The following FGGY variants were observed in gnomAD, a reference collection of about 807,000 sequenced individuals.
The protein encoded by FGGY is FGGY carbohydrate kinase domain containing, also known as FGGY carbohydrate kinase domain-containing protein.
A neutral mutation model predicts 71.3 loss-of-function variants in FGGY; 72 were observed. The observed-to-expected ratio is 1.01, with a 90% CI of 0.84 to 1.23. The LOEUF is 1.23. FGGY is among the 50% of genes most tolerant of loss of function. The pLI, the probability that FGGY is intolerant of heterozygous loss-of-function variation, is 0.00. For missense variants in FGGY, 668 were observed against 682.3 expected, an observed-to-expected ratio of 0.98 and a Z score of 0.23; for synonymous variants, 251 against 250.3, an observed-to-expected ratio of 1.00 and a Z score of -0.02.
At chr1:59,730,279 C>G (rs59608500) in intron 14 of FGGY, among the ~76,000 whole-genome samples, 19,297 of 149,228 alleles carry the variant, frequency 0.13, 1,320 homozygotes, top group African/African-American at 0.17. Context: ...ATGGATCCAA[C>G]AAAAATCACT....
At chr1:59,541,465 G>A (rs1039062295) in intron 7 of FGGY, among the ~76,000 whole-genome samples, 1 of 152,134 alleles carries the variant, frequency 6.6e-6, no homozygotes, top group African/African-American at 2.4e-5. Flanking sequence ...GATGGTAGCT[G>A]CTCCATCTTG....
chr1:59,562,105 A>G (rs915638129), intron 8 of FGGY, among the ~76,000 whole-genome samples: 1 of 152,212 alleles, frequency 6.6e-6, no homozygotes, highest in African/African-American at 2.4e-5. Context: ...TACAAAGTTA[A>G]CATATTCCTA....
At chr1:59,637,563 T>G (rs1445897408) in intron 10 of FGGY, among the ~76,000 whole-genome samples, 2 of 151,848 alleles carry the variant, frequency 1.3e-5, no homozygotes, top group South Asian at 4.1e-4. Flanking sequence ...GATTGCACCA[T>G]TGCACTCCCA....
chr1:59,562,069 AC>A (rs1179742531), intron 8 of FGGY, among the ~76,000 whole-genome samples: 1 of 152,200 alleles, frequency 6.6e-6, no homozygotes, highest in Non-Finnish European at 1.5e-5. Context: ...AAATGATGCA[AC>A]CATTTTGGAA....
At chr1:59,379,323 T>A (rs2059096747) in intron 5 of FGGY, among the ~76,000 whole-genome samples, 2 of 152,190 alleles carry the variant, frequency 1.3e-5, no homozygotes, top group Non-Finnish European at 2.9e-5. Flanking sequence ...ATACCTAGGC[T>A]GTATGGTATA....
intron 14 of FGGY, among the ~76,000 whole-genome samples, chr1:59,725,643 T>C (rs1438529762): frequency 6.6e-6 from 1 of 152,100 alleles, no homozygotes; most frequent in Non-Finnish European, 1.5e-5. Context: ...TTTTGTTTTT[T>C]TTGCAGCATG....
chr1:59,616,135 G>C (rs564508595), intron 9 of FGGY, among the ~76,000 whole-genome samples: 1 of 152,060 alleles, frequency 6.6e-6, no homozygotes, highest in South Asian at 2.1e-4. Context: ...CCCATTACTG[G>C]GTATATACCC....
At chr1:59,335,252 TTC>T (rs1200304155) in intron 2 of FGGY, among the ~76,000 whole-genome samples, 1 of 152,184 alleles carries the variant, frequency 6.6e-6, no homozygotes, top group African/African-American at 2.4e-5. Flanking sequence ...CAGAGGCGCT[TTC>T]TGTCTTTATA....
At chr1:59,435,424 G>T (rs2068220924) in intron 5 of FGGY, among the ~76,000 whole-genome samples, 1 of 152,130 alleles carries the variant, frequency 6.6e-6, no homozygotes, top group Non-Finnish European at 1.5e-5. Flanking sequence ...GCACAGACCA[G>T]TCCTGAGGTT....
At chr1:59,548,538 A>G (rs2095560566) in intron 7 of FGGY, among the ~76,000 whole-genome samples, 1 of 152,234 alleles carries the variant, frequency 6.6e-6, no homozygotes, top group African/African-American at 2.4e-5. Flanking sequence ...ATTCAAGTCT[A>G]ACTCTGAAGA....
chr1:59,339,908 T>C (rs765819706), intron 2 of FGGY, 50 bp from the exon 3 acceptor site: 1 of 1,143,696 alleles, frequency 8.7e-7, no homozygotes, highest in South Asian at 1.4e-5. Context: ...GTTTTCAATC[T>C]TTAAAGACCC....
chr1:59,642,962 G>C (rs527616024), intron 11 of FGGY, among the ~76,000 whole-genome samples: 1 of 150,640 alleles, frequency 6.6e-6, no homozygotes, highest in African/African-American at 2.4e-5. Context: ...GAGAACCTGG[G>C]GGGTGGAGCT....
chr1:59,607,471 G>A (rs1241822668), intron 8 of FGGY, among the ~76,000 whole-genome samples: 1 of 152,200 alleles, frequency 6.6e-6, no homozygotes, highest in Non-Finnish European at 1.5e-5. Context: ...GTGAGGAGCT[G>A]CAAAGTCTCA....
intron 5 of FGGY, among the ~76,000 whole-genome samples, chr1:59,401,153 T>A (rs1260114067): frequency 6.6e-6 from 1 of 152,236 alleles, no homozygotes; most frequent in Non-Finnish European, 1.5e-5. Context: ...AATCTTATCC[T>A]GTTAAATTAT....
At chr1:59,337,202 G>A (rs915401459) in intron 2 of FGGY, among the ~76,000 whole-genome samples, 3 of 151,988 alleles carry the variant, frequency 2.0e-5, no homozygotes, top group East Asian at 1.9e-4. Context: ...CAGGGAAGCC[G>A]ACAATGCAGT....
intron 1 of FGGY, among the ~76,000 whole-genome samples, chr1:59,306,296 G>A (rs932367211): frequency 2.6e-5 from 4 of 152,130 alleles, no homozygotes; most frequent in Non-Finnish European, 5.9e-5. Context: ...CAATAATAAA[G>A]GGGAACTTTT....
chr1:59,651,711 G>C (rs2097163305), intron 11 of FGGY, among the ~76,000 whole-genome samples: 1 of 150,776 alleles, frequency 6.6e-6, no homozygotes, highest in Non-Finnish European at 1.5e-5. Flanking sequence ...TATCCAATTT[G>C]CCAGTCTGTG....
In FGGY at chr1:59,720,242, T is replaced by C. The variant is rs1428608854; in HGVS notation, c.1513-37689T>C. 2.0e-5 allele frequency among the ~76,000 whole-genome samples: 3 copies of C among 152,340 alleles called. No homozygotes were observed. In the East Asian group the frequency reaches 5.8e-4, roughly 29 times the overall value. ...CACCCAATGCATGCTTTGCAAGTTA[T>C]TTTGTTTTTTAAGCAAGTCCCAGTC... On this transcript the variant is annotated intron_variant, in intron 14 of 15. Coordinates refer to ENST00000303721, the MANE Select transcript of FGGY (RefSeq NM_018291.5).
chr1:59,534,570 G>A (rs567004083), intron 7 of FGGY, among the ~76,000 whole-genome samples: 1 of 152,260 alleles, frequency 6.6e-6, no homozygotes, highest in South Asian at 2.1e-4. Flanking sequence ...AATGTTAAGG[G>A]CAGCCAGAGA....
Sources: gnomAD v4.1 joint callset for allele counts (sites outside exome capture counted in the v4.1 genomes callset) on GRCh38, gnomAD v4.1.1 for gene constraint, MANE v1.5 for transcripts, NCBI Gene and HGNC (gene_info 2026-07-23, HGNC 2026-07-21) for gene names.